The following ATP8A1 variants were observed in gnomAD, a reference collection of about 807,000 sequenced individuals.
The protein encoded by ATP8A1 is phospholipid-transporting ATPase IA.
Under a neutral mutation model 177.7 loss-of-function variants are expected in ATP8A1, and 90 were observed. That is an observed-to-expected ratio of 0.51 (90% confidence interval 0.43 to 0.60). ATP8A1 has a LOEUF of 0.60. Among genes scored for constraint, ATP8A1 ranks in the 20% least tolerant of loss-of-function variants. ATP8A1 has a pLI of 0.00. For synonymous variants in ATP8A1, 493 were observed against 485.9 expected (o/e 1.01, Z -0.19); for missense variants, 1,072 against 1,392.8 (o/e 0.77, Z 3.67).
chr4:42,466,031 C>CA (rs57949092), intron 25 of ATP8A1, among the ~76,000 whole-genome samples: 14,058 of 106,542 alleles, frequency 0.13, 2,308 homozygotes, highest in Non-Finnish European at 0.15. Context: ...GACTCCGTCT[C>CA]AAAAAAAAAA....
chr4:42,510,982 TAAG>T (rs1057244400), intron 22 of ATP8A1, among the ~76,000 whole-genome samples: 3 of 152,286 alleles, frequency 2.0e-5, no homozygotes, highest in African/African-American at 7.2e-5. Flanking sequence ...CACAAATCCT[TAAG>T]AAGAATAATA....
chr4:42,656,499 C>T (rs866250637), intron 1 of ATP8A1, among the ~76,000 whole-genome samples: 1 of 151,832 alleles, frequency 6.6e-6, no homozygotes, highest in Middle Eastern at 3.4e-3. Context: ...GGCTGGGGAT[C>T]TGCTGAGTGG....
At chr4:42,552,271 G>GTTAT in intron 17 of ATP8A1, among the ~76,000 whole-genome samples, 1 of 152,204 alleles carries the variant, frequency 6.6e-6, no homozygotes, top group African/African-American at 2.4e-5. Context: ...TGAGAATTAC[G>GTTAT]TTATTCACAT....
At chr4:42,528,294 C>T (rs573415278) in intron 20 of ATP8A1, among the ~76,000 whole-genome samples, 2 of 152,228 alleles carry the variant, frequency 1.3e-5, no homozygotes, top group African/African-American at 4.8e-5. Context: ...CAAATGGAAG[C>T]CATGAGAGCT....
chr4:42,423,647 G>T lies in ATP8A1; in HGVS notation c.3182C>A (p.Ala1061Glu). Residue 1061 changes from alanine (A) to glutamate (E), a missense_variant, in exon 34 of 37, where the codon GCA becomes GAA. This residue lies in a region of ATP8A1 where 316 missense variants were observed against 459.1 expected (regional missense o/e 0.69). Coordinates refer to ENST00000381668, the MANE Select transcript of ATP8A1 (RefSeq NM_006095.2). Reference sequence around the variant, plus strand: ...GTACACCACATCAAGGAGCAGAGATGCCACAGGGATGAATAACAAGCCCAT... The same window carrying T: ...GTACACCACATCAAGGAGCAGAGATTCCACAGGGATGAATAACAAGCCCAT... The part of the protein sequence containing the change: ...FWMGLLFIPV[A>E]SLLLDVVYKV... The T allele has an allele frequency of 6.2e-7, 1 of 1,612,666 alleles. No individual in the cohort carries two copies. The highest frequency in any genetic ancestry group is 8.5e-7 in the Non-Finnish European group (1 of 1,179,382).
intron 2 of ATP8A1, chr4:42,626,408 C>G (rs1420587699): frequency 1.3e-5 from 2 of 152,316 alleles, no homozygotes; most frequent in Non-Finnish European, 2.9e-5. Context: ...ATCTAGTTAA[C>G]TCTGCCACTG....
chr4:42,438,728 G>A (rs773276550), intron 33 of ATP8A1, among the ~76,000 whole-genome samples: 11 of 152,122 alleles, frequency 7.2e-5, no homozygotes, highest in Non-Finnish European at 1.2e-4. Context: ...CTGAGAGTAC[G>A]GAACAGCAAT....
chr4:42,552,958 C>T (rs777907416), intron 16 of ATP8A1, among the ~76,000 whole-genome samples: 5 of 152,112 alleles, frequency 3.3e-5, no homozygotes, highest in Non-Finnish European at 7.4e-5. Flanking sequence ...TGTACTCTAG[C>T]CAGGACAAGA....
chr4:42,497,655 A>G (rs1303527814), intron 24 of ATP8A1, among the ~76,000 whole-genome samples: 2 of 152,216 alleles, frequency 1.3e-5, no homozygotes, highest in African/African-American at 4.8e-5. Flanking sequence ...TTAAAAAAAA[A>G]GGACACATTT....
chr4:42,474,152 C>T (rs915383231), intron 25 of ATP8A1, among the ~76,000 whole-genome samples: 11 of 152,062 alleles, frequency 7.2e-5, no homozygotes, highest in African/African-American at 2.7e-4. Flanking sequence ...AAAAGGAGGC[C>T]AGTAAAGTTC....
At chr4:42,614,325 A>C (rs556669044) in intron 5 of ATP8A1, among the ~76,000 whole-genome samples, 1 of 152,220 alleles carries the variant, frequency 6.6e-6, no homozygotes, top group Admixed American at 6.5e-5. Context: ...TGAACATAGG[A>C]GCCCTCTGCT....
At position 42,638,977 on chromosome 4, in the gene ATP8A1, G is replaced by A. The variant is rs564653820; in HGVS notation, c.50-11868C>T. On this transcript the variant is annotated intron_variant, in intron 1 of 36. Transcript: ENST00000381668. ...CTTCAAAAAATAACTGTATCAAAGA[G>A]TTTTTGACTGTCAAAGGGGAATACC... is the stretch of plus-strand genomic sequence containing the variant. Among the ~76,000 whole-genome samples, 151 of 152,248 alleles carry A rather than the reference G, an allele frequency of 9.9e-4. 2 individuals carry two copies. The highest frequency in any genetic ancestry group is 9.1e-3 in the South Asian group (44 of 4,822).
chr4:42,545,890 C>G (rs1728862857), intron 19 of ATP8A1, among the ~76,000 whole-genome samples: 1 of 152,116 alleles, frequency 6.6e-6, no homozygotes, highest in South Asian at 2.1e-4. Flanking sequence ...ATGAGAATAG[C>G]TTGAACCTGG....
chr4:42,555,593 G>C (rs1333559174), intron 16 of ATP8A1, among the ~76,000 whole-genome samples: 1 of 152,166 alleles, frequency 6.6e-6, no homozygotes, highest in African/African-American at 2.4e-5. Context: ...GGGAGGCTGA[G>C]GGGGTGGATC....
At chr4:42,420,116 T>C (rs1215082141) in intron 35 of ATP8A1, among the ~76,000 whole-genome samples, 1 of 152,166 alleles carries the variant, frequency 6.6e-6, no homozygotes, top group East Asian at 1.9e-4. Context: ...AATCCAACAA[T>C]TCTTTAACCT....
chr4:42,579,822 TG>T lies in ATP8A1; in HGVS notation c.990del (p.Asn331IlefsTer2). ...GCACTTTATTGCTTACAGTTTAGAT[TG>T]AGATACCAGTCTTTTCCAGAATGCC... ...NRRHSGKDWYLNLNYGGASNF... is the reference protein window; with the variant it reads ...NRRHSGKDWYXNLNYGGASNF... On this transcript the variant is annotated frameshift_variant, in exon 11 of 37. Transcript: ENST00000381668. LOFTEE classifies it high-confidence loss of function. The T allele has an allele frequency of 6.2e-7, 1 of 1,612,914 alleles. No homozygotes were observed. Among genetic ancestry groups the T allele is most frequent in the Non-Finnish European group, 8.5e-7 (1 of 1,179,362 alleles).
chr4:42,657,055 G>C lies in ATP8A1; in HGVS notation c.-182C>G. 1 of 515,328 alleles carries C rather than the reference G, an allele frequency of 1.9e-6. No individual in the cohort carries two copies. The highest frequency in any genetic ancestry group is 3.0e-6 in the Non-Finnish European group (1 of 334,818). 31.9% of individuals were successfully genotyped at this position (515,328 alleles called of 1,614,324 possible). ...CGCACGCCGACAGGAGGAGGAGAAAGGCAGCGGTGGCGGCGAAGGTGGCGG... is the reference window on the plus strand; with the variant it reads ...CGCACGCCGACAGGAGGAGGAGAAACGCAGCGGTGGCGGCGAAGGTGGCGG... On this transcript the variant is annotated 5_prime_UTR_variant, in exon 1 of 37. Transcript: ENST00000381668.
chr4:42,409,641 G>A lies in ATP8A1; in HGVS notation c.*3275C>T, dbSNP rs552919881. On this transcript the variant is annotated 3_prime_UTR_variant, in exon 37 of 37. Coordinates refer to ENST00000381668, the MANE Select transcript of ATP8A1 (RefSeq NM_006095.2). ...AGGGCAACTGCACAAAAATAAACAC[G>A]ATTATTTAGCTTTGTAGTAATTATG... is the stretch of plus-strand genomic sequence containing the variant. 2.4e-4 allele frequency: 37 copies of A among 151,984 alleles called. No homozygotes were observed. Among genetic ancestry groups the A allele is most frequent in the Non-Finnish European group, 4.0e-4 (27 of 67,952 alleles). 9.4% of individuals were successfully genotyped at this position (151,984 alleles called of 1,614,324 possible).
intron 25 of ATP8A1, among the ~76,000 whole-genome samples, chr4:42,471,534 C>G (rs1720413834): frequency 6.6e-6 from 1 of 152,152 alleles, no homozygotes; most frequent in African/African-American, 2.4e-5. Context: ...GGGACCGTTT[C>G]TATTGATGGT....
Sources: allele counts gnomAD v4.1 joint callset (sites outside exome capture counted in the v4.1 genomes callset), GRCh38; gene constraint gnomAD v4.1.1; regional missense constraint gnomAD v4.1.1; transcripts MANE v1.5; gene names NCBI Gene and HGNC (gene_info 2026-07-23, HGNC 2026-07-21).